The following RTN1 variants were observed in gnomAD, a reference collection of about 807,000 sequenced individuals.
RTN1 encodes the protein reticulon-1.
RTN1 carries 25 observed loss-of-function variants against 65.5 expected under a neutral mutation model. The ratio of observed to expected loss-of-function variants is 0.38; its 90% CI spans 0.28 to 0.53. The LOEUF (loss-of-function observed/expected upper bound fraction) is 0.53. Ranked by LOEUF, RTN1 falls within the 20% of genes least tolerant of loss-of-function variation. RTN1 has a pLI of 0.79. For synonymous variants in RTN1, 471 were observed against 447.6 expected (o/e 1.05, Z -0.66); for missense variants, 983 against 1,025.4 (o/e 0.96, Z 0.57).
In RTN1 at chr14:59,728,249, C is replaced by CTT. The variant is rs200434592; in HGVS notation, c.1016-583_1016-582dup. The stretch of plus-strand genomic sequence containing the variant: ...TTATATTTCCAATAAGAATCAGTAT[C>CTT]TTTTTTTTTTTTTTTTTTTTTTTTT... On this transcript the variant is annotated intron_variant, in intron 2 of 8. Transcript: ENST00000267484. 6.0e-3 allele frequency among the ~76,000 whole-genome samples: 740 copies of CTT among 124,004 alleles called. 24 individuals are homozygous for CTT. Among genetic ancestry groups the CTT allele is most frequent in the African/African-American group, 0.017 (578 of 33,484 alleles). The allele number at this position is 124,004 out of a possible 152,430, so 81.4% of individuals were successfully genotyped here.
intron 1 of RTN1, among the ~76,000 whole-genome samples, chr14:59,800,286 G>A (rs1403114072): frequency 2.0e-5 from 3 of 152,114 alleles, no homozygotes; most frequent in Non-Finnish European, 4.4e-5. Flanking sequence ...ATAAGATTAG[G>A]GGTATGCTCA....
chr14:59,849,000 AC>A (rs1282179426), intron 1 of RTN1, among the ~76,000 whole-genome samples: 1 of 152,120 alleles, frequency 6.6e-6, no homozygotes, highest in Non-Finnish European at 1.5e-5. Flanking sequence ...CACATTTGTT[AC>A]CAGCTATAAC....
intron 1 of RTN1, among the ~76,000 whole-genome samples, chr14:59,760,332 T>C (rs1885724127): frequency 6.6e-6 from 1 of 152,230 alleles, no homozygotes; most frequent in South Asian, 2.1e-4. Flanking sequence ...GTTTGTATTG[T>C]TCATATCTGC....
Position 59,829,997 on chromosome 14 carries a change from G to A in RTN1, c.241+40393C>T, listed in dbSNP as rs1054112465. On this transcript the variant is annotated intron_variant, in intron 1 of 8. Transcript: ENST00000267484. The surrounding 1 kb of genome is among the most constrained non-coding windows in gnomAD (Gnocchi z 4.3). ...TTAAAAAAATAGCATGTATTTTTGG[G>A]TTTAGTCTTGTGTGACTTTCTTGTA... Among the ~76,000 whole-genome samples, 9 of 152,126 alleles carry A rather than the reference G, an allele frequency of 5.9e-5. No individual in the cohort carries two copies. Among genetic ancestry groups the A allele is most frequent in the Admixed American group, 5.9e-4 (9 of 15,276 alleles).
chr14:59,853,711 C>T (rs1887550651), intron 1 of RTN1, among the ~76,000 whole-genome samples: 2 of 152,150 alleles, frequency 1.3e-5, no homozygotes, highest in African/African-American at 4.8e-5. Flanking sequence ...CTTCACTCTA[C>T]TGACTTAAAG....
At chr14:59,614,850 G>A (rs1355011351) in intron 3 of RTN1, among the ~76,000 whole-genome samples, 1 of 152,186 alleles carries the variant, frequency 6.6e-6, no homozygotes, top group Non-Finnish European at 1.5e-5. Context: ...AAAAATAAAA[G>A]TTTCTAACAG....
In RTN1 at chr14:59,763,280, T is replaced by C. The variant is rs1339657291; in HGVS notation, c.242-16799A>G. 2.6e-5 allele frequency among the ~76,000 whole-genome samples: 4 copies of C among 152,266 alleles called. No individual in the cohort carries two copies. In the East Asian group the frequency reaches 7.7e-4, roughly 29 times the overall value. ...GTCCTTTATCAACAGCAGTATTCAT[T>C]TTGCTCCTCCGAGCTATCGCATCTA... On this transcript the variant is annotated intron_variant, in intron 1 of 8. Coordinates refer to ENST00000267484, the MANE Select transcript of RTN1 (RefSeq NM_021136.3).
intron 3 of RTN1, among the ~76,000 whole-genome samples, chr14:59,700,544 A>G (rs1165687716): frequency 1.3e-5 from 2 of 152,178 alleles, no homozygotes; most frequent in Non-Finnish European, 2.9e-5. Context: ...ATACAACAAA[A>G]TTAATTGTCT....
chr14:59,720,721 CAAAA>C (rs3036118), intron 3 of RTN1, among the ~76,000 whole-genome samples: 12 of 133,874 alleles, frequency 9.0e-5, no homozygotes, highest in Non-Finnish European at 9.6e-5. Context: ...GACCCTATCT[CAAAA>C]AAAAAAAAAA....
intron 3 of RTN1, among the ~76,000 whole-genome samples, chr14:59,715,022 T>G (rs1401567125): frequency 6.6e-6 from 1 of 152,152 alleles, no homozygotes; most frequent in Non-Finnish European, 1.5e-5. Context: ...TGCTTTGAGG[T>G]GGAACAGTTT....
At chr14:59,708,219 G>T (rs1884340811) in intron 3 of RTN1, among the ~76,000 whole-genome samples, 2 of 152,226 alleles carry the variant, frequency 1.3e-5, no homozygotes, top group Admixed American at 1.3e-4. Context: ...GAGGTGGGGG[G>T]AAGCCCACAG....
Position 59,746,257 on chromosome 14 carries a change from T to C in RTN1, c.466A>G (p.Ile156Val), listed in dbSNP as rs779171755. The change falls in exon 2 of 9, where the codon ATA (isoleucine) becomes GTA (valine). Residue 156 changes from isoleucine to valine, a missense_variant. Physicochemically the swap from Ile to Val is conservative, Grantham distance 29. Around this residue, in one of 2 missense-constraint regions of RTN1, gnomAD observed 818 missense variants for 801.8 expected, o/e 1.02. Coordinates refer to ENST00000267484, the MANE Select transcript of RTN1 (RefSeq NM_021136.3). ...PGPSLPDVPG[I>V]ESRGLFSSDS... ...GAACTAAATAAGCCACGAGACTCTA[T>C]CCCAGGCACATCTGGTAAGGAGGGG... 2 of 1,613,422 alleles carry C rather than the reference T, an allele frequency of 1.2e-6. No homozygotes were observed. Among genetic ancestry groups the C allele is most frequent in the Admixed American group, 1.7e-5 (1 of 59,942 alleles).
intron 1 of RTN1, among the ~76,000 whole-genome samples, chr14:59,770,374 G>T (rs1264051726): frequency 2.7e-5 from 2 of 73,228 alleles, no homozygotes; most frequent in African/African-American, 5.2e-5. Flanking sequence ...GTGAAACTCT[G>T]CCTCAAAAAA....
intron 3 of RTN1, among the ~76,000 whole-genome samples, chr14:59,650,000 C>G (rs573831084): frequency 4.6e-5 from 7 of 152,292 alleles, no homozygotes; most frequent in African/African-American, 1.4e-4. Flanking sequence ...GGAACCAACC[C>G]AAATGCCTGG....
intron 3 of RTN1, among the ~76,000 whole-genome samples, chr14:59,660,078 A>C (rs865835081): frequency 6.6e-6 from 1 of 152,168 alleles, no homozygotes; most frequent in African/African-American, 2.4e-5. Flanking sequence ...AAAACAAGCA[A>C]GGGTTGCAAT....
chr14:59,811,456 G>C (rs545500102), intron 1 of RTN1, among the ~76,000 whole-genome samples: 2 of 152,284 alleles, frequency 1.3e-5, no homozygotes, highest in East Asian at 3.9e-4. Flanking sequence ...TATATCTACT[G>C]CTGATAAATG....
chr14:59,660,146 CCATTA>C (rs1883214074), intron 3 of RTN1, among the ~76,000 whole-genome samples: 1 of 152,058 alleles, frequency 6.6e-6, no homozygotes, highest in Admixed American at 6.6e-5. Context: ...ACAAAGAAGG[CCATTA>C]CATAATGGTA....
At chr14:59,864,569 T>C (rs1436254997) in intron 1 of RTN1, among the ~76,000 whole-genome samples, 4 of 152,098 alleles carry the variant, frequency 2.6e-5, no homozygotes, top group Non-Finnish European at 5.9e-5. Flanking sequence ...AAAGTATAGT[T>C]TATGGATGAG....
intron 2 of RTN1, among the ~76,000 whole-genome samples, chr14:59,732,449 G>A (rs751900743): frequency 6.6e-6 from 1 of 152,170 alleles, no homozygotes; most frequent in African/African-American, 2.4e-5. Flanking sequence ...AACAACACAC[G>A]GAGAATGAAG....
Sources: allele counts gnomAD v4.1 joint callset (sites outside exome capture counted in the v4.1 genomes callset), GRCh38; gene constraint gnomAD v4.1.1; regional missense constraint gnomAD v4.1.1; non-coding constraint Gnocchi (gnomAD v3.1); transcripts MANE v1.5; gene names NCBI Gene and HGNC (gene_info 2026-07-23, HGNC 2026-07-21).